The following UVRAG variants were observed in gnomAD, a reference collection of about 807,000 sequenced individuals.
The protein encoded by UVRAG is UV radiation resistance-associated gene protein.
In UVRAG, 19 loss-of-function variants were observed where a neutral mutation model predicts 78.0. The ratio of observed to expected loss-of-function variants is 0.24; its 90% confidence interval spans 0.17 to 0.36. UVRAG has a LOEUF of 0.36. Among genes scored for constraint, UVRAG ranks in the 10% least tolerant of loss-of-function variants. The pLI, the probability that UVRAG is intolerant of heterozygous loss-of-function variation, is 1.00. For missense variants in UVRAG, 740 were observed against 853.8 expected (o/e 0.87, Z 1.66); for synonymous variants, 323 against 324.6 (o/e 1.00, Z 0.05).
intron 13 of UVRAG, among the ~76,000 whole-genome samples, chr11:76,097,459 C>CA (rs1951805463): frequency 6.6e-6 from 1 of 152,190 alleles, no homozygotes; most frequent in Admixed American, 6.5e-5. Context: ...ACAGTCCAGA[C>CA]AGGTTATCAC....
intron 3 of UVRAG, among the ~76,000 whole-genome samples, chr11:75,878,156 G>T (rs1447720752): frequency 3.6e-4 from 54 of 150,912 alleles, no homozygotes; most frequent in Admixed American, 3.6e-3. Flanking sequence ...GGGCGGCTGG[G>T]CAGAGACGCT....
At chr11:75,966,255 T>C (rs1236273345) in intron 7 of UVRAG, among the ~76,000 whole-genome samples, 1 of 152,164 alleles carries the variant, frequency 6.6e-6, no homozygotes, top group African/African-American at 2.4e-5. Context: ...TTTATTCTTA[T>C]AAATTTTTTT....
intron 8 of UVRAG, among the ~76,000 whole-genome samples, chr11:75,995,867 A>T (rs759735385): frequency 5.9e-5 from 9 of 152,096 alleles, no homozygotes; most frequent in Non-Finnish European, 1.0e-4. Flanking sequence ...TCTGACAGAA[A>T]TTCTTAAATA....
At chr11:76,006,018 G>C (rs1427364316) in intron 9 of UVRAG, among the ~76,000 whole-genome samples, 1 of 148,860 alleles carries the variant, frequency 6.7e-6, no homozygotes, top group Non-Finnish European at 1.5e-5. Flanking sequence ...GAGTTTGGTG[G>C]GTGGGGAAGA....
At chr11:76,022,111 T>G (rs1005084291) in intron 12 of UVRAG, among the ~76,000 whole-genome samples, 1 of 152,204 alleles carries the variant, frequency 6.6e-6, no homozygotes, top group Non-Finnish European at 1.5e-5. Context: ...TTTCCTTTCA[T>G]TATTGAGTTC....
intron 8 of UVRAG, among the ~76,000 whole-genome samples, chr11:75,993,783 C>T (rs771769857): frequency 2.0e-5 from 3 of 152,112 alleles, no homozygotes; most frequent in African/African-American, 7.2e-5. Flanking sequence ...AATTGGCTTA[C>T]GGTTCTGCAG....
chr11:76,104,016 A>G (rs1391377272), intron 13 of UVRAG, among the ~76,000 whole-genome samples: 1 of 152,146 alleles, frequency 6.6e-6, no homozygotes, highest in Admixed American at 6.5e-5. Flanking sequence ...AGGAAAAAGA[A>G]AACAAAATCT....
intron 7 of UVRAG, among the ~76,000 whole-genome samples, chr11:75,967,425 C>G (rs1287224779): frequency 3.9e-5 from 6 of 152,104 alleles, no homozygotes; most frequent in South Asian, 2.1e-4. Context: ...TAGAAACAAC[C>G]TGTAAATGAC....
chr11:75,827,110 C>A (rs1055098502), intron 1 of UVRAG, among the ~76,000 whole-genome samples: 29 of 151,356 alleles, frequency 1.9e-4, no homozygotes, highest in African/African-American at 7.0e-4. Context: ...TCAGTAGACT[C>A]CTGGGAAAGA....
At chr11:75,828,799 A>ATTTTT (rs1183493611) in intron 1 of UVRAG, among the ~76,000 whole-genome samples, 2 of 80,076 alleles carry the variant, frequency 2.5e-5, no homozygotes, top group Non-Finnish European at 2.7e-5. Flanking sequence ...ATATATATAT[A>ATTTTT]TATATATTTT....
Position 76,016,959 on chromosome 11 carries a change from A to G in UVRAG, c.1205A>G (p.Lys402Arg), listed in dbSNP as rs773844317. Residue 402 changes from lysine to arginine, a missense_variant, in exon 12 of 15, where the codon AAA (lysine) becomes AGA (arginine). Transcript: ENST00000356136. ...ACAATCAAAGACAATATCAATGACAAACTGACGGAAAAGGAGAGAGAGTAA... is the reference window on the plus strand; with the variant it reads ...ACAATCAAAGACAATATCAATGACAGACTGACGGAAAAGGAGAGAGAGTAA... ...RSTIKDNIND[K>R]LTEKEREFPL... is the part of the protein sequence containing the mutation. The G allele has an allele frequency of 3.7e-6, 6 of 1,605,400 alleles. No homozygotes were observed. The African/African-American group carries it at 5.3e-5, about 14-fold the overall frequency.
intron 13 of UVRAG, among the ~76,000 whole-genome samples, chr11:76,108,677 A>C (rs185259275): frequency 1.3e-5 from 2 of 152,226 alleles, no homozygotes; most frequent in South Asian, 2.1e-4. Context: ...TGGAATTGAC[A>C]TGGCCGTAGT....
At chr11:75,906,264 T>C (rs1168992147) in intron 5 of UVRAG, among the ~76,000 whole-genome samples, 1 of 152,196 alleles carries the variant, frequency 6.6e-6, no homozygotes, top group Non-Finnish European at 1.5e-5. Flanking sequence ...TAAGAATAGA[T>C]TGGTAAATCC....
At chr11:75,825,395 G>A (rs183534024) in intron 1 of UVRAG, among the ~76,000 whole-genome samples, 311 of 152,342 alleles carry the variant, frequency 2.0e-3, no homozygotes, top group Non-Finnish European at 3.7e-3. Flanking sequence ...TTGCAGGCAT[G>A]AGCCACTGTG....
At chr11:75,873,527 A>G (rs2134836575) in intron 3 of UVRAG, among the ~76,000 whole-genome samples, 1 of 152,302 alleles carries the variant, frequency 6.6e-6, no homozygotes, top group Non-Finnish European at 1.5e-5. Flanking sequence ...CCTAGTGGTC[A>G]GAGAAACGTT....
chr11:75,900,387 T>G (rs1167746136), intron 5 of UVRAG, among the ~76,000 whole-genome samples: 17 of 152,200 alleles, frequency 1.1e-4, no homozygotes. Flanking sequence ...TCTCTTTTTT[T>G]CTCTCTCCAC....
At chr11:75,849,582 A>G (rs1345396053) in intron 1 of UVRAG, among the ~76,000 whole-genome samples, 1 of 152,224 alleles carries the variant, frequency 6.6e-6, no homozygotes, top group African/African-American at 2.4e-5. Flanking sequence ...TGAAGCACAT[A>G]TTTAGCACAG....
chr11:76,130,494 A>G (rs1386352288), intron 14 of UVRAG, among the ~76,000 whole-genome samples: 3 of 152,250 alleles, frequency 2.0e-5, no homozygotes, highest in African/African-American at 4.8e-5. Flanking sequence ...ATAGGGGACT[A>G]CAAAAGATAA....
At chr11:75,893,488 C>T (rs185079935) in intron 5 of UVRAG, among the ~76,000 whole-genome samples, 36 of 151,672 alleles carry the variant, frequency 2.4e-4, no homozygotes, top group Admixed American at 1.9e-3. Flanking sequence ...AAGCTACCAG[C>T]GAGAAAGGAA....
Sources: gnomAD v4.1 joint callset for allele counts (sites outside exome capture counted in the v4.1 genomes callset) on GRCh38, gnomAD v4.1.1 for gene constraint, MANE v1.5 for transcripts, NCBI Gene and HGNC (gene_info 2026-07-23, HGNC 2026-07-21) for gene names.